Variants in DICER1 observed in about 807,000 individuals in gnomAD.
DICER1 encodes the protein dicer 1, ribonuclease III.
DICER1 carries 43 observed loss-of-function variants against 194.1 expected under a neutral mutation model. That is an observed-to-expected ratio of 0.22 (90% CI 0.17 to 0.29). The LOEUF is 0.29. Among genes scored for constraint, DICER1 ranks in the 10% least tolerant of loss-of-function variants. The pLI is 1.00. For synonymous variants in DICER1, 832 were observed against 820.5 expected, an observed-to-expected ratio of 1.01 and a Z score of -0.24; for missense variants, 1,608 against 2,317.0, an observed-to-expected ratio of 0.69 and a Z score of 6.28.
chr14:95,087,201 T>C lies in DICER1; in HGVS notation c.*3297A>G, dbSNP rs1458119435. ...TGAACCAAAGCAGCCTCAAGTTTCA[T>C]GTTGTCAAGGCAGGGTATCAGAATC... On this transcript the variant is annotated 3_prime_UTR_variant, in exon 27 of 27. Transcript: ENST00000343455. 4.3e-6 allele frequency: 1 copy of C among 233,288 alleles called. No homozygotes were observed. Among genetic ancestry groups the C allele is most frequent in the Admixed American group, 5.6e-5 (1 of 17,772 alleles). The allele number at this position is 233,288 out of a possible 1,614,324, so 14.5% of individuals were successfully genotyped here.
At chr14:95,091,957 C>T (rs2139788597) in intron 24 of DICER1, among the ~76,000 whole-genome samples, 1 of 152,280 alleles carries the variant, frequency 6.6e-6, no homozygotes, top group East Asian at 1.9e-4. Flanking sequence ...GAAAATCATG[C>T]ATCAAAAGCC....
Position 95,103,771 on chromosome 14 carries a change from T to C in DICER1, c.3625A>G (p.Ile1209Val). 1 of 1,614,230 alleles carries C rather than the reference T, an allele frequency of 6.2e-7. No homozygotes were observed. The highest frequency in any genetic ancestry group is 1.7e-5 in the Admixed American group (1 of 60,026). The change falls in exon 21 of 27, where the codon ATA becomes GTA. Residue 1209 changes from isoleucine (I) to valine (V), a missense_variant. Ile to Val is a conservative substitution (Grantham distance 29). Transcript: ENST00000343455. ...GNQLNYYKQEIPVQPTTSYSI... is the reference protein window; with the variant it reads ...GNQLNYYKQEVPVQPTTSYSI... Reference sequence around the variant, plus strand: ...TATGAGGTAGTTGGTTGCACGGGTATTTCCTGCTTGTAGTAATTTAGCTGA... The same window carrying C: ...TATGAGGTAGTTGGTTGCACGGGTACTTCCTGCTTGTAGTAATTTAGCTGA...
In DICER1 at chr14:95,093,880, G is replaced by C. The variant is rs1348361588; in HGVS notation, c.5364+8C>G. The C allele has an allele frequency of 2.5e-6, 4 of 1,614,026 alleles. No individual in the cohort carries two copies. Among genetic ancestry groups the C allele is most frequent in the Non-Finnish European group, 3.4e-6 (4 of 1,179,930 alleles). ...ACTTTTTTCAACATCGTTTTGAACAGCACTAACCTCAGAATCCATTCCTTG... is the reference window on the plus strand; with the variant it reads ...ACTTTTTTCAACATCGTTTTGAACACCACTAACCTCAGAATCCATTCCTTG... On this transcript the variant is annotated splice_region_variant and intron_variant, in intron 24 of 26. Coordinates refer to ENST00000343455, the MANE Select transcript of DICER1 (RefSeq NM_177438.3).
chr14:95,137,604 T>C (rs1018157452), intron 1 of DICER1, among the ~76,000 whole-genome samples: 1 of 151,610 alleles, frequency 6.6e-6, no homozygotes, highest in Non-Finnish European at 1.5e-5. Flanking sequence ...AAGTCAGGGA[T>C]CAAAGCAGAA....
chr14:95,130,335 A>G, intron 4 of DICER1, 143 bp from the exon 5 acceptor site: 2 of 741,544 alleles, frequency 2.7e-6, no homozygotes, highest in Middle Eastern at 3.8e-4. Flanking sequence ...TACTAAATAC[A>G]TATAATTTTA....
chr14:95,091,570 GA>G (rs1210442536), intron 24 of DICER1: 2 of 561,642 alleles, frequency 3.6e-6, no homozygotes, highest in African/African-American at 3.8e-5. Context: ...AAGAAAAAAA[GA>G]AAAAATATCC....
intron 1 of DICER1, among the ~76,000 whole-genome samples, chr14:95,152,233 A>G (rs564341936): frequency 2.2e-4 from 33 of 152,216 alleles, no homozygotes; most frequent in Non-Finnish European, 4.3e-4. Flanking sequence ...TTCTCCCACG[A>G]TTCTTAACAC....
At position 95,105,080 on chromosome 14, in the gene DICER1, G is replaced by C. The variant is rs180918578; in HGVS notation, c.3260C>G (p.Ala1087Gly). The change falls in exon 20 of 27, where the codon GCG becomes GGG. Residue 1087 changes from alanine to glycine, a missense_variant. Ala to Gly is a moderately conservative substitution (Grantham distance 60, BLOSUM62 0). This residue lies in a region of DICER1 where 79 missense variants were observed against 176.1 expected (regional missense o/e 0.45). Coordinates refer to ENST00000343455, the MANE Select transcript of DICER1 (RefSeq NM_177438.3). This position sits in a 1 kb window ranked among gnomAD's most constrained non-coding sequence, Gnocchi z 4.9. ...GACTGCACAGGCATACCTAAAATCCGCAGGAAGTGATCTGACTCCCACGCC... is the reference window on the plus strand; with the variant it reads ...GACTGCACAGGCATACCTAAAATCCCCAGGAAGTGATCTGACTCCCACGCC... ...DAGVGVRSLP[A>G]DFRYPNLDFG... The C allele has an allele frequency of 3.1e-6, 5 of 1,613,970 alleles. No individual in the cohort carries two copies. In the Admixed American group the frequency reaches 8.3e-5, roughly 27 times the overall value.
chr14:95,088,018 A>G lies in DICER1; in HGVS notation c.*2480T>C, dbSNP rs1889477307. 1 of 233,008 alleles carries G rather than the reference A, an allele frequency of 4.3e-6. No homozygotes were observed. 14.4% of individuals were successfully genotyped at this position (233,008 alleles called of 1,614,324 possible). A position where few individuals can be genotyped will look rare whatever the true frequency, so the allele number is the denominator to read the frequency against. On this transcript the variant is annotated 3_prime_UTR_variant, in exon 27 of 27. Transcript: ENST00000343455. ...AAAAATCAGCAGCACAAAAGCGTTC[A>G]TAACCATTTCATATGTCTAACTCGT...
At position 95,105,213 on chromosome 14, in the gene DICER1, T is replaced by C. The variant is rs1060503592; in HGVS notation, c.3127A>G (p.Ile1043Val). The C allele has an allele frequency of 1.5e-5, 24 of 1,613,822 alleles. No individual in the cohort carries two copies. Among genetic ancestry groups the C allele is most frequent in the East Asian group, 8.9e-5 (4 of 44,868 alleles). The change falls in exon 20 of 27, where the codon ATT becomes GTT. Residue 1043 changes from isoleucine to valine, a missense_variant. This residue lies in a region of DICER1 where 79 missense variants were observed against 176.1 expected (regional missense o/e 0.45). Transcript: ENST00000343455. This position sits in a 1 kb window ranked among gnomAD's most constrained non-coding sequence, Gnocchi z 4.9. The stretch of plus-strand genomic sequence containing the variant: ...GCTTTTCTCCACAGTGATGCTGGAA[T>C]TGGATGTATAGCACAGAGTTCTGGA... ...LVPELCAIHP[I>V]PASLWRKAVC...
chr14:95,151,359 G>C (rs1482242041), intron 1 of DICER1, among the ~76,000 whole-genome samples: 1 of 152,120 alleles, frequency 6.6e-6, no homozygotes. Flanking sequence ...TTGATAATTT[G>C]GGGGCTCACA....
intron 13 of DICER1, 136 bp downstream of exon 13, chr14:95,112,036 T>C (rs1472590245): frequency 1.3e-6 from 1 of 767,820 alleles, no homozygotes. Context: ...TATGTTTATA[T>C]TCACCAAAGC....
intron 9 of DICER1, 45 bp from the exon 10 acceptor site, chr14:95,116,740 C>T (rs183453771): frequency 6.3e-7 from 1 of 1,589,596 alleles, no homozygotes; most frequent in African/African-American, 1.3e-5. Context: ...AAGAAAATTT[C>T]TAAAATGAAC....
At position 95,111,445 on chromosome 14, in the gene DICER1, C is replaced by T; in HGVS notation, c.2128G>A (p.Asp710Asn). Residue 710 changes from aspartate (D) to asparagine (N), a missense_variant, in exon 14 of 27, where the codon GAC (aspartate) becomes AAC (asparagine). Physicochemically the swap from Asp to Asn is conservative, Grantham distance 23. Transcript: ENST00000343455. Reference sequence around the variant, plus strand: ...TCTTTCCCAACTGGCATCAAATGGTCATCCAGTTCGCCTAACAAATTTAAA... The same window carrying T: ...TCTTTCCCAACTGGCATCAAATGGTTATCCAGTTCGCCTAACAAATTTAAA... ...EKLHKIGELD[D>N]HLMPVGKETV... The T allele has an allele frequency of 6.2e-7, 1 of 1,614,098 alleles. No individual in the cohort carries two copies. The highest frequency in any genetic ancestry group is 8.5e-7 in the Non-Finnish European group (1 of 1,179,966).
chr14:95,117,508 A>C (rs1892579397), intron 9 of DICER1, 114 bp downstream of exon 9: 2 of 1,127,420 alleles, frequency 1.8e-6, no homozygotes, highest in Non-Finnish European at 2.7e-6. Flanking sequence ...GTATTCTATA[A>C]TACAAAAAAT....
At position 95,099,883 on chromosome 14, in the gene DICER1, C is replaced by T. The variant is rs767112987; in HGVS notation, c.4103G>A (p.Arg1368His). Residue 1368 changes from arginine (R) to histidine (H), a missense_variant, in exon 22 of 27, where the codon CGC becomes CAC. By Grantham distance (29) the Arg-to-His change is conservative. Coordinates refer to ENST00000343455, the MANE Select transcript of DICER1 (RefSeq NM_177438.3). ...RLGKKKGLPS[R>H]MVVSIFDPPV... Reference sequence around the variant, plus strand: ...GGGATCAAATATTGACACCACCATGCGGCTGGGTAGTCCCTTCTTTTTTCC... The same window carrying T: ...GGGATCAAATATTGACACCACCATGTGGCTGGGTAGTCCCTTCTTTTTTCC... 7 of 1,614,012 alleles carry T rather than the reference C, an allele frequency of 4.3e-6. No homozygotes were observed. Among genetic ancestry groups the T allele is most frequent in the South Asian group, 1.1e-5 (1 of 91,084 alleles).
chr14:95,102,899 C>A (rs1176138799), intron 21 of DICER1, among the ~76,000 whole-genome samples: 3 of 152,140 alleles, frequency 2.0e-5, no homozygotes, highest in Non-Finnish European at 2.9e-5. Context: ...TGGAGATGAG[C>A]TCCTCCACAA....
Position 95,105,968 on chromosome 14 carries a change from C to T in DICER1, c.2987+73G>A. 2.6e-6 allele frequency: 4 copies of T among 1,544,878 alleles called. No individual in the cohort carries two copies. The highest frequency in any genetic ancestry group is 3.6e-6 in the Non-Finnish European group (4 of 1,117,442). ...CACGGGTGGGCAGGGGGACAGTGAA[C>T]CTCTGCATGTCTAGTGATGTCTGGT... On this transcript the variant is annotated intron_variant, in intron 18 of 26. Coordinates refer to ENST00000343455, the MANE Select transcript of DICER1 (RefSeq NM_177438.3). The surrounding 1 kb of genome is among the most constrained non-coding windows in gnomAD (Gnocchi z 4.9).
At position 95,107,738 on chromosome 14, in the gene DICER1, T is replaced by C. The variant is rs1595379319; in HGVS notation, c.2674A>G (p.Ile892Val). Residue 892 changes from isoleucine to valine, a missense_variant, in exon 17 of 27, where the codon ATT (isoleucine) becomes GTT (valine). This residue lies in a region of DICER1 where 150 missense variants were observed against 216.0 expected (regional missense o/e 0.69). Coordinates refer to ENST00000343455, the MANE Select transcript of DICER1 (RefSeq NM_177438.3). ...NVVNDSSTLDIDFKFMEDIEK... is the reference protein window; with the variant it reads ...NVVNDSSTLDVDFKFMEDIEK... ...ATATCTTCCATGAATTTAAAGTCAA[T>C]ATCCAAAGTGCTGGAGTCATTAACT... The C allele has an allele frequency of 1.2e-6, 2 of 1,609,138 alleles. No homozygotes were observed. Among genetic ancestry groups the C allele is most frequent in the East Asian group, 4.5e-5 (2 of 44,700 alleles).
Sources: allele counts gnomAD v4.1 joint callset (sites outside exome capture counted in the v4.1 genomes callset), GRCh38; gene constraint gnomAD v4.1.1; regional missense constraint gnomAD v4.1.1; non-coding constraint Gnocchi (gnomAD v3.1); transcripts MANE v1.5; gene names NCBI Gene and HGNC (gene_info 2026-07-23, HGNC 2026-07-21).